The following CADM2 variants were observed in gnomAD, a reference collection of about 807,000 sequenced individuals.
CADM2 encodes immunoglobulin superfamily member 4D.
Under a neutral mutation model 49.8 loss-of-function variants are expected in CADM2, and 12 were observed. The ratio of observed to expected loss-of-function variants is 0.24; its 90% CI spans 0.15 to 0.39. The LOEUF (loss-of-function observed/expected upper bound fraction) is 0.39. Among genes scored for constraint, CADM2 ranks in the 10% least tolerant of loss-of-function variants. The pLI is 1.00. For missense variants in CADM2, 378 were observed against 492.3 expected (o/e 0.77, Z 2.20); for synonymous variants, 214 against 175.4 (o/e 1.22, Z -1.74).
chr3:85,815,589 C>G (rs1237208366), intron 3 of CADM2, among the ~76,000 whole-genome samples: 1 of 152,106 alleles, frequency 6.6e-6, no homozygotes, highest in Non-Finnish European at 1.5e-5. Context: ...ATTGATAGAA[C>G]ATATCTCAAA....
chr3:85,153,714 G>T (rs2040008528), intron 1 of CADM2, among the ~76,000 whole-genome samples: 1 of 152,050 alleles, frequency 6.6e-6, no homozygotes. Context: ...AGAGAGCAGT[G>T]GTTCTCCCAG....
chr3:85,447,888 ATGATTCTTATT>A (rs1187862027), intron 1 of CADM2, among the ~76,000 whole-genome samples: 2 of 152,184 alleles, frequency 1.3e-5, no homozygotes. Context: ...CAGTGCAATA[ATGATTCTTATT>A]TGTCTTTGGC....
intron 8 of CADM2, among the ~76,000 whole-genome samples, chr3:85,986,775 T>C (rs779557933): frequency 2.0e-5 from 3 of 152,090 alleles, no homozygotes; most frequent in Admixed American, 2.0e-4. Context: ...ACAAGCACCA[T>C]ATATGTTCTA....
intron 1 of CADM2, among the ~76,000 whole-genome samples, chr3:85,538,207 A>G (rs370833613): frequency 1.2e-4 from 19 of 152,156 alleles, no homozygotes; most frequent in African/African-American, 4.6e-4. Context: ...TTCCAATGCC[A>G]TGAGACACAA....
intron 2 of CADM2, among the ~76,000 whole-genome samples, chr3:85,728,854 G>C (rs2067815823): frequency 6.6e-6 from 1 of 152,100 alleles, no homozygotes. Flanking sequence ...AACAACAGTT[G>C]GTGGGTATTT....
chr3:85,470,645 C>G (rs1022081684), intron 1 of CADM2, among the ~76,000 whole-genome samples: 1 of 152,102 alleles, frequency 6.6e-6, no homozygotes, highest in African/African-American at 2.4e-5. Flanking sequence ...TAAAAACATT[C>G]TCCCAAGTTA....
chr3:85,953,340 A>T (rs1723672322), intron 7 of CADM2, among the ~76,000 whole-genome samples: 1 of 150,738 alleles, frequency 6.6e-6, no homozygotes, highest in Non-Finnish European at 1.5e-5. Context: ...TTAATTTGTA[A>T]TTTTTTGCCA....
chr3:86,044,718 C>T (rs1386144695), intron 8 of CADM2, among the ~76,000 whole-genome samples: 16 of 152,126 alleles, frequency 1.1e-4, no homozygotes, highest in Admixed American at 7.2e-4. Context: ...CAGGTATATA[C>T]CCAAAGGATT....
chr3:85,369,414 C>G (rs2033031998), intron 1 of CADM2, among the ~76,000 whole-genome samples: 2 of 152,154 alleles, frequency 1.3e-5, no homozygotes, highest in South Asian at 4.1e-4. Flanking sequence ...GGGCGGATCA[C>G]CTGAGGTCAG....
At chr3:85,489,691 A>G (rs1199059753) in intron 1 of CADM2, among the ~76,000 whole-genome samples, 2 of 144,870 alleles carry the variant, frequency 1.4e-5, no homozygotes, top group Non-Finnish European at 3.1e-5. Flanking sequence ...GAAACAAAAA[A>G]AAAACAAAAA....
intron 5 of CADM2, among the ~76,000 whole-genome samples, chr3:85,904,116 C>A (rs1027455972): frequency 1.3e-5 from 2 of 152,118 alleles, no homozygotes; most frequent in African/African-American, 4.8e-5. Flanking sequence ...ATAGTTCGTT[C>A]CCTTAGAGAG....
chr3:85,526,066 T>C (rs1190877672), intron 1 of CADM2, among the ~76,000 whole-genome samples: 2 of 152,144 alleles, frequency 1.3e-5, no homozygotes, highest in African/African-American at 2.4e-5. Flanking sequence ...CTAAGAACTG[T>C]AGCCACCTCG....
chr3:85,885,254 A>C (rs1037684355), intron 4 of CADM2, among the ~76,000 whole-genome samples: 2 of 151,900 alleles, frequency 1.3e-5, no homozygotes, highest in African/African-American at 4.8e-5. Flanking sequence ...TTTACAAATG[A>C]GGCCAGGCAC....
At chr3:85,936,477 T>C (rs988489313) in intron 7 of CADM2, among the ~76,000 whole-genome samples, 1 of 151,844 alleles carries the variant, frequency 6.6e-6, no homozygotes, top group East Asian at 1.9e-4. Flanking sequence ...AAAACTTACA[T>C]ATGGATATTT....
At chr3:85,013,002 T>A (rs1011231830) in intron 1 of CADM2, among the ~76,000 whole-genome samples, 1 of 151,798 alleles carries the variant, frequency 6.6e-6, no homozygotes, top group African/African-American at 2.4e-5. Context: ...GCTTTTAAAT[T>A]ACCTGAAGTC....
chr3:85,845,111 G>A (rs532704964), intron 3 of CADM2, among the ~76,000 whole-genome samples: 75 of 143,336 alleles, frequency 5.2e-4, no homozygotes, highest in South Asian at 1.1e-3. Context: ...AGCCATGATT[G>A]AGCCACTGCA....
intron 1 of CADM2, among the ~76,000 whole-genome samples, chr3:85,368,975 C>T (rs1262979585): frequency 1.3e-5 from 2 of 152,034 alleles, no homozygotes; most frequent in African/African-American, 4.8e-5. Context: ...GACTGTTGTA[C>T]TTTATCTTGG....
Position 85,960,876 on chromosome 3 carries a change from G to A in CADM2, c.792-593G>A, listed in dbSNP as rs555872300. 2.7e-5 allele frequency among the ~76,000 whole-genome samples: 4 copies of A among 150,800 alleles called. No homozygotes were observed. In the South Asian group the frequency reaches 8.3e-4, roughly 31 times the overall value. ...AGCTGTGCCACAAGGGTGGCTCTAAGTGCAAAGATTTTTATCTTTTTTATA... is the reference window on the plus strand; with the variant it reads ...AGCTGTGCCACAAGGGTGGCTCTAAATGCAAAGATTTTTATCTTTTTTATA... On this transcript the variant is annotated intron_variant, in intron 7 of 9. Transcript: ENST00000383699.
chr3:85,589,721 A>G (rs986789544), intron 1 of CADM2, among the ~76,000 whole-genome samples: 1 of 152,056 alleles, frequency 6.6e-6, no homozygotes, highest in African/African-American at 2.4e-5. Context: ...TGTACTTTTT[A>G]TAAGAAAATA....
Sources: gnomAD v4.1 joint callset for allele counts (sites outside exome capture counted in the v4.1 genomes callset) on GRCh38, gnomAD v4.1.1 for gene constraint, MANE v1.5 for transcripts, NCBI Gene and HGNC (gene_info 2026-07-23, HGNC 2026-07-21) for gene names.